DHRS7B: variants seen among roughly 807,000 people sequenced by gnomAD.
DHRS7B encodes peroxisomal reductase activating PPAR-gamma.
DHRS7B carries 24 observed loss-of-function variants against 26.4 expected under a neutral mutation model. The ratio of observed to expected loss-of-function variants is 0.91; its 90% CI spans 0.66 to 1.28. The LOEUF is 1.28. Ranked by LOEUF, DHRS7B falls within the 50% of genes most tolerant of loss-of-function variation. The pLI is 0.00. For missense variants in DHRS7B, 368 were observed against 419.4 expected, an observed-to-expected ratio of 0.88 and a Z score of 1.07; for synonymous variants, 142 against 166.4, an observed-to-expected ratio of 0.85 and a Z score of 1.13.
At chr17:21,164,367 T>C (rs1346102879) in intron 1 of DHRS7B, among the ~76,000 whole-genome samples, 3 of 152,154 alleles carry the variant, frequency 2.0e-5, no homozygotes, top group African/African-American at 7.2e-5. Context: ...TGCCTGTAGA[T>C]AGTTCCTCTT....
chr17:21,184,534 A>G (rs1974587786), intron 5 of DHRS7B, 71 bp downstream of exon 5: 1 of 1,436,708 alleles, frequency 7.0e-7, no homozygotes, highest in Non-Finnish European at 9.7e-7. Context: ...TAACACATTT[A>G]CTATCTAGAA....
At chr17:21,152,000 A>G (rs8079511) in intron 1 of DHRS7B, among the ~76,000 whole-genome samples, 1 of 152,110 alleles carries the variant, frequency 6.6e-6, no homozygotes, top group East Asian at 1.9e-4. Context: ...CCCACTCTCA[A>G]CTACTCCCTG....
At chr17:21,148,112 A>T (rs1973681516) in intron 1 of DHRS7B, among the ~76,000 whole-genome samples, 1 of 152,006 alleles carries the variant, frequency 6.6e-6, no homozygotes, top group South Asian at 2.1e-4. Context: ...ACAAGTTCTC[A>T]CCATGTTGCT....
intron 1 of DHRS7B, among the ~76,000 whole-genome samples, chr17:21,148,541 C>T (rs1228260016): frequency 2.0e-5 from 3 of 151,906 alleles, no homozygotes; most frequent in African/African-American, 4.8e-5. Flanking sequence ...GTCAGGAGTT[C>T]GAGACCAGCC....
At position 21,191,079 on chromosome 17, in the gene DHRS7B, ACT is replaced by A. The variant is rs754421752; in HGVS notation, c.907_908del (p.Leu303GlyfsTer26). ...GCCTTCCTTGGCTGTTTATCTTCGA[ACT>A]CTGGCTCCTGGGCTCTTCTTCAGCC... ...LLPSLAVYLR[T>X]LAPGLFFSLM... On this transcript the variant is annotated frameshift_variant, in exon 7 of 7. Coordinates refer to ENST00000395511, the MANE Select transcript of DHRS7B (RefSeq NM_015510.5). LOFTEE classifies it high-confidence loss of function. 2 of 1,614,074 alleles carry A rather than the reference ACT, an allele frequency of 1.2e-6. No individual in the cohort carries two copies. The highest frequency in any genetic ancestry group is 1.3e-5 in the African/African-American group (1 of 75,014).
At chr17:21,172,496 G>A (rs1259717124) in intron 2 of DHRS7B, 1 of 497,408 alleles carries the variant, frequency 2.0e-6, no homozygotes, top group Non-Finnish European at 3.6e-6. Flanking sequence ...GCCCTGCTCA[G>A]CCTCAGTTGC....
At chr17:21,186,447 C>A (rs1260757615) in intron 5 of DHRS7B, among the ~76,000 whole-genome samples, 1 of 152,234 alleles carries the variant, frequency 6.6e-6, no homozygotes. Context: ...CTCTTGGAAT[C>A]ATGGCTGATA....
At chr17:21,188,026 A>G (rs1196304622) in intron 5 of DHRS7B, among the ~76,000 whole-genome samples, 1 of 151,836 alleles carries the variant, frequency 6.6e-6, no homozygotes, top group Non-Finnish European at 1.5e-5. Flanking sequence ...TTTTTTTTGT[A>G]TATTTAGTAG....
chr17:21,131,044 A>G (rs1380600692), intron 1 of DHRS7B, among the ~76,000 whole-genome samples: 4 of 152,172 alleles, frequency 2.6e-5, no homozygotes, highest in Non-Finnish European at 5.9e-5. Flanking sequence ...TAAACTGCTT[A>G]GTGGAGGGAG....
intron 2 of DHRS7B, among the ~76,000 whole-genome samples, chr17:21,175,643 T>C (rs911460512): frequency 2.0e-5 from 3 of 152,164 alleles, no homozygotes; most frequent in South Asian, 2.1e-4. Flanking sequence ...AGTGCCTCTT[T>C]AAACCAGCAT....
chr17:21,172,533 A>G, intron 2 of DHRS7B: 1 of 396,496 alleles, frequency 2.5e-6, no homozygotes, highest in Non-Finnish European at 4.7e-6. Context: ...TTTATGTGAA[A>G]TATCCCAATT....
chr17:21,162,112 G>C (rs1974012836), intron 1 of DHRS7B, among the ~76,000 whole-genome samples: 1 of 151,674 alleles, frequency 6.6e-6, no homozygotes, highest in Non-Finnish European at 1.5e-5. Flanking sequence ...ACAGAGACAT[G>C]ATGATTTATC....
In DHRS7B at chr17:21,140,534, A is replaced by T. The variant is rs977761760; in HGVS notation, c.20+13543A>T. On this transcript the variant is annotated intron_variant, in intron 1 of 6. Coordinates refer to ENST00000395511, the MANE Select transcript of DHRS7B (RefSeq NM_015510.5). ...CACACACACACACACACACACACAC[A>T]CACACCCTGACACCCTATAGCTTTT... Among the ~76,000 whole-genome samples, 3 of 147,662 alleles carry T rather than the reference A, an allele frequency of 2.0e-5. No individual in the cohort carries two copies. The East Asian group carries it at 6.0e-4, about 30-fold the overall frequency.
At chr17:21,148,290 A>G (rs559058644) in intron 1 of DHRS7B, among the ~76,000 whole-genome samples, 46 of 152,242 alleles carry the variant, frequency 3.0e-4, no homozygotes, top group African/African-American at 1.0e-3. Flanking sequence ...GATAACACAC[A>G]CAAAAAAAAT....
intron 1 of DHRS7B, among the ~76,000 whole-genome samples, chr17:21,157,957 AAT>A (rs1973916908): frequency 1.3e-5 from 2 of 151,980 alleles, no homozygotes; most frequent in African/African-American, 4.8e-5. Context: ...AAAAAAAAAT[AAT>A]AATAATCCAT....
chr17:21,144,343 A>C (rs184110738), intron 1 of DHRS7B, among the ~76,000 whole-genome samples: 2 of 152,146 alleles, frequency 1.3e-5, no homozygotes, highest in Non-Finnish European at 2.9e-5. Context: ...CAAATCAAAC[A>C]GAGGAAGTAA....
At chr17:21,155,995 A>G (rs1440797191) in intron 1 of DHRS7B, among the ~76,000 whole-genome samples, 3 of 152,208 alleles carry the variant, frequency 2.0e-5, no homozygotes, top group Non-Finnish European at 4.4e-5. Context: ...CATTGAATGT[A>G]TGTATTAGAA....
At chr17:21,158,132 C>T (rs1434018840) in intron 1 of DHRS7B, among the ~76,000 whole-genome samples, 1 of 152,068 alleles carries the variant, frequency 6.6e-6, no homozygotes, top group Non-Finnish European at 1.5e-5. Context: ...AAACTACAGC[C>T]ATCATACTTA....
chr17:21,176,679 G>C (rs1261463497), intron 2 of DHRS7B, among the ~76,000 whole-genome samples: 2 of 151,870 alleles, frequency 1.3e-5, no homozygotes, highest in African/African-American at 4.8e-5. Context: ...AAACACTGTG[G>C]TAAGAGATTA....
Sources: gnomAD v4.1 joint callset for allele counts (sites outside exome capture counted in the v4.1 genomes callset) on GRCh38, gnomAD v4.1.1 for gene constraint, MANE v1.5 for transcripts, NCBI Gene and HGNC (gene_info 2026-07-23, HGNC 2026-07-21) for gene names.